Variants in LINGO2 observed in about 807,000 individuals in gnomAD.
LINGO2 encodes leucine-rich repeat and immunoglobulin-like domain-containing nogo receptor-interacting protein 2.
In LINGO2, 14 loss-of-function variants were observed where a neutral mutation model predicts 30.6. That is an observed-to-expected ratio of 0.46 (90% confidence interval 0.30 to 0.72). The LOEUF is 0.72. Ranked by LOEUF, LINGO2 falls within the 30% of genes least tolerant of loss-of-function variation. LINGO2 has a pLI of 0.07. For missense variants in LINGO2, 729 were observed against 751.7 expected (o/e 0.97, Z 0.35); for synonymous variants, 317 against 288.5 (o/e 1.10, Z -1.00).
intron 1 of LINGO2, among the ~76,000 whole-genome samples, chr9:28,662,402 T>C (rs1310814339): frequency 6.6e-6 from 1 of 152,204 alleles, no homozygotes; most frequent in Non-Finnish European, 1.5e-5. Context: ...AGAATGTTAA[T>C]ATTTATCAAC....
At chr9:28,087,206 G>C (rs944900499) in intron 4 of LINGO2, among the ~76,000 whole-genome samples, 1 of 152,044 alleles carries the variant, frequency 6.6e-6, no homozygotes, top group African/African-American at 2.4e-5. Context: ...CTCCAGCAGA[G>C]ATAAGATGAG....
the LINGO2 span, among the ~76,000 whole-genome samples, chr9:28,957,794 G>A: frequency 7.2e-5 from 11 of 152,236 alleles, no homozygotes; most frequent in East Asian, 5.8e-4. Context: ...GTGGGAAAAC[G>A]CATTCATAGA....
chr9:28,354,709 C>T (rs567316765), intron 3 of LINGO2, among the ~76,000 whole-genome samples: 29 of 152,300 alleles, frequency 1.9e-4, no homozygotes, highest in African/African-American at 5.5e-4. Context: ...ACAAGTTACA[C>T]ATTTTAAAAC....
chr9:29,028,842 G>A, the LINGO2 span, among the ~76,000 whole-genome samples: 1 of 152,158 alleles, frequency 6.6e-6, no homozygotes, highest in Non-Finnish European at 1.5e-5. Context: ...AGATGGATAA[G>A]TGAGCCAGCT....
chr9:28,995,755 T>C, the LINGO2 span, among the ~76,000 whole-genome samples: 14 of 151,674 alleles, frequency 9.2e-5, no homozygotes. Flanking sequence ...TCATTCTCAG[T>C]AAACTATCGC....
chr9:28,663,236 T>C (rs12001433), intron 1 of LINGO2, among the ~76,000 whole-genome samples: 2,534 of 152,158 alleles, frequency 0.017, 55 homozygotes, highest in Admixed American at 0.037. Flanking sequence ...AGTGGTGCCA[T>C]CTCGGCTCGC....
rs373703893 is a variant in LINGO2 at position 28,639,835 on chromosome 9, G to T, written c.-365+30365C>A. On this transcript the variant is annotated intron_variant, in intron 1 of 5. Transcript: ENST00000379992. ...GCCTATTTACATTTAAGGTTAATATGGTTATGTGTGAATTTGATCCTGTCA... is the reference window on the plus strand; with the variant it reads ...GCCTATTTACATTTAAGGTTAATATTGTTATGTGTGAATTTGATCCTGTCA... Among the ~76,000 whole-genome samples, 273 of 151,908 alleles carry T rather than the reference G, an allele frequency of 1.8e-3. 4 individuals are homozygous for T. In the East Asian group the frequency reaches 0.042, roughly 23 times the overall value.
At chr9:28,507,728 A>AT (rs1421054903) in intron 1 of LINGO2, among the ~76,000 whole-genome samples, 2 of 152,144 alleles carry the variant, frequency 1.3e-5, no homozygotes, top group African/African-American at 4.8e-5. Context: ...AATAGTGGCT[A>AT]TATTCAGAAT....
intron 4 of LINGO2, among the ~76,000 whole-genome samples, chr9:28,241,152 C>T (rs1040920624): frequency 2.6e-5 from 4 of 151,110 alleles, no homozygotes; most frequent in African/African-American, 9.7e-5. Context: ...GCCTGTAATC[C>T]CAGCTACTTG....
intron 4 of LINGO2, among the ~76,000 whole-genome samples, chr9:28,237,276 A>G (rs775058963): frequency 1.3e-5 from 2 of 152,146 alleles, no homozygotes; most frequent in Non-Finnish European, 2.9e-5. Context: ...GAAAAAGCAT[A>G]CAATAGATAT....
At chr9:28,002,244 ATT>A (rs977327067) in intron 5 of LINGO2, among the ~76,000 whole-genome samples, 1 of 148,760 alleles carries the variant, frequency 6.7e-6, no homozygotes, top group African/African-American at 2.5e-5. Context: ...AACAAATTAA[ATT>A]CTCTCTTCCC....
chr9:28,279,762 G>C (rs1231652292), intron 4 of LINGO2, among the ~76,000 whole-genome samples: 1 of 151,932 alleles, frequency 6.6e-6, no homozygotes, highest in Non-Finnish European at 1.5e-5. Flanking sequence ...CTCCCAGGAG[G>C]TATGCCAGCC....
the LINGO2 span, among the ~76,000 whole-genome samples, chr9:29,200,079 G>A: frequency 3.3e-5 from 5 of 152,142 alleles, no homozygotes; most frequent in African/African-American, 1.2e-4. Context: ...TAGGAAAAAT[G>A]TTTAGAAATC....
chr9:28,450,320 C>T (rs913319261), intron 2 of LINGO2, among the ~76,000 whole-genome samples: 1 of 151,970 alleles, frequency 6.6e-6, no homozygotes, highest in Non-Finnish European at 1.5e-5. Flanking sequence ...TAGATGAATC[C>T]TCTGTTCATT....
chr9:28,813,342 A>G, the LINGO2 span, among the ~76,000 whole-genome samples: 1 of 152,204 alleles, frequency 6.6e-6, no homozygotes, highest in African/African-American at 2.4e-5. Flanking sequence ...TTGGCATGGT[A>G]AGAGATTAAC....
intron 4 of LINGO2, among the ~76,000 whole-genome samples, chr9:28,017,381 AAG>A (rs1485224544): frequency 6.6e-6 from 1 of 152,142 alleles, no homozygotes; most frequent in African/African-American, 2.4e-5. Context: ...TGCAAATAGG[AAG>A]AGAGGAAATC....
At chr9:28,284,652 G>A (rs1189394825) in intron 4 of LINGO2, among the ~76,000 whole-genome samples, 3 of 152,230 alleles carry the variant, frequency 2.0e-5, no homozygotes, top group South Asian at 2.1e-4. Context: ...CCCAAAGACC[G>A]TTTCTATGAG....
rs557630797 is a variant in LINGO2, at chr9:28,071,625, C to T, written c.-86-59220G>A. On this transcript the variant is annotated intron_variant, in intron 4 of 5. Coordinates refer to ENST00000379992, the Ensembl canonical transcript of LINGO2. ...TATCTGTGACAAGGGCCCCTAAAAA[C>T]ACTAGAAGGTGGGTATTGATAGGAA... 3.3e-5 allele frequency among the ~76,000 whole-genome samples: 5 copies of T among 150,478 alleles called. 1 individual carries two copies. The South Asian group carries it at 1.1e-3, about 32-fold the overall frequency.
chr9:28,384,837 AAT>A lies in LINGO2; in HGVS notation c.-278-11971_-278-11970del, dbSNP rs1491273784. Among the ~76,000 whole-genome samples, 27 of 63,080 alleles carry A rather than the reference AAT, an allele frequency of 4.3e-4. No homozygotes were observed. In the East Asian group the frequency reaches 0.01, roughly 24 times the overall value. 41.4% of individuals were successfully genotyped at this position (63,080 alleles called of 152,430 possible). ...GAGGCTTTGTGTGATAAAAAAAAAA[AAT>A]GTCTTCACATTTCAACAACAGTTAG... On this transcript the variant is annotated intron_variant, in intron 2 of 5. Transcript: ENST00000379992.
Sources: gnomAD v4.1 joint callset for allele counts (sites outside exome capture counted in the v4.1 genomes callset) on GRCh38, gnomAD v4.1.1 for gene constraint, MANE v1.5 for transcripts, NCBI Gene and HGNC (gene_info 2026-07-23, HGNC 2026-07-21) for gene names.